The following RELN variants were observed in gnomAD, a reference collection of about 807,000 sequenced individuals.
RELN encodes the protein reelin.
Under a neutral mutation model 427.6 loss-of-function variants are expected in RELN, and 108 were observed. The observed-to-expected ratio is 0.25, with a 90% confidence interval of 0.22 to 0.30. RELN has a LOEUF of 0.30. RELN is among the 10% of genes least tolerant of loss of function. RELN has a pLI of 1.00. For synonymous variants in RELN, 1,524 were observed against 1,513.4 expected, an observed-to-expected ratio of 1.01 and a Z score of -0.16; for missense variants, 3,715 against 4,302.8, an observed-to-expected ratio of 0.86 and a Z score of 3.82.
At chr7:103,731,620 T>G (rs983433727) in intron 6 of RELN, among the ~76,000 whole-genome samples, 22 of 152,120 alleles carry the variant, frequency 1.4e-4, no homozygotes, top group African/African-American at 4.1e-4. Flanking sequence ...TCCAAAGTCA[T>G]GTGGCAAATC....
intron 11 of RELN, among the ~76,000 whole-genome samples, chr7:103,670,300 A>G (rs1833362836): frequency 6.6e-6 from 1 of 152,138 alleles, no homozygotes; most frequent in Non-Finnish European, 1.5e-5. Flanking sequence ...TACACATCTG[A>G]TTATCTAGTT....
intron 48 of RELN, among the ~76,000 whole-genome samples, chr7:103,519,840 C>G (rs1389309734): frequency 6.6e-6 from 1 of 152,150 alleles, no homozygotes; most frequent in African/African-American, 2.4e-5. Flanking sequence ...TCCCAAAGTG[C>G]TGGTATTTCC....
At chr7:103,619,789 T>C (rs572752685) in intron 20 of RELN, among the ~76,000 whole-genome samples, 2 of 152,120 alleles carry the variant, frequency 1.3e-5, no homozygotes, top group East Asian at 1.9e-4. Context: ...CAGGAGACCA[T>C]GCACCCAGGG....
At chr7:103,972,976 G>A (rs569626356) in intron 1 of RELN, among the ~76,000 whole-genome samples, 1 of 152,058 alleles carries the variant, frequency 6.6e-6, no homozygotes, top group South Asian at 2.1e-4. Flanking sequence ...GGTACCATCA[G>A]CAAGAATGTA....
chr7:103,649,534 A>G (rs532536330), intron 16 of RELN, among the ~76,000 whole-genome samples: 1 of 152,136 alleles, frequency 6.6e-6, no homozygotes, highest in African/African-American at 2.4e-5. Flanking sequence ...CAATATATTC[A>G]TATACAAAAC....
intron 2 of RELN, among the ~76,000 whole-genome samples, chr7:103,916,281 C>A (rs1795479988): frequency 6.6e-6 from 1 of 152,180 alleles, no homozygotes; most frequent in Admixed American, 6.5e-5. Flanking sequence ...ATGTTGAACA[C>A]ATAACTTTGT....
In RELN at chr7:103,489,894, G is replaced by A. The variant is rs1445494056; in HGVS notation, c.9611C>T (p.Thr3204Ile). Residue 3204 changes from threonine (T) to isoleucine (I), a missense_variant, in exon 60 of 65, where the codon ACA becomes ATA. Thr to Ile is a moderately conservative substitution (Grantham distance 89). Coordinates refer to ENST00000428762, the MANE Select transcript of RELN (RefSeq NM_005045.4). The part of the protein sequence containing the change: ...QLPDHVSSSA[T>I]QFRWIQKGEE... Reference sequence around the variant, plus strand: ...TCCCTTCTGGATCCAGCGGAACTGTGTTGCACTGAAAGAACCACAGAGAGC... The same window carrying A: ...TCCCTTCTGGATCCAGCGGAACTGTATTGCACTGAAAGAACCACAGAGAGC... 1.9e-6 allele frequency: 3 copies of A among 1,614,024 alleles called. No individual in the cohort carries two copies. The highest frequency in any genetic ancestry group is 2.5e-6 in the Non-Finnish European group (3 of 1,180,030).
chr7:103,565,214 A>T (rs986903014), intron 34 of RELN, 64 bp downstream of exon 34: 1 of 1,560,230 alleles, frequency 6.4e-7, no homozygotes, highest in Non-Finnish European at 8.8e-7. Context: ...CCGAATCACA[A>T]TTATTTTCAA....
chr7:103,570,378 A>G lies in RELN; in HGVS notation c.4588+1806T>C, dbSNP rs553255353. Among the ~76,000 whole-genome samples, 69 of 152,342 alleles carry G rather than the reference A, an allele frequency of 4.5e-4. 1 individual carries two copies. The South Asian group carries it at 0.014, about 31-fold the overall frequency. On this transcript the variant is annotated intron_variant, in intron 31 of 64. Transcript: ENST00000428762. ...TGCACAAAAATGTCCTTTAAATTTC[A>G]ATGTATCAAATGTCACTTCCTTGGT...
At chr7:103,785,446 T>A (rs959005209) in intron 3 of RELN, among the ~76,000 whole-genome samples, 1 of 152,124 alleles carries the variant, frequency 6.6e-6, no homozygotes, top group African/African-American at 2.4e-5. Context: ...TATTTAAGTA[T>A]CACATTTAAG....
intron 3 of RELN, among the ~76,000 whole-genome samples, chr7:103,791,403 T>G (rs1021199526): frequency 6.6e-6 from 1 of 152,194 alleles, no homozygotes; most frequent in Non-Finnish European, 1.5e-5. Context: ...AACAGATGTA[T>G]AGATCAATAG....
chr7:103,916,573 C>T (rs1170199507), intron 2 of RELN, among the ~76,000 whole-genome samples: 2 of 152,162 alleles, frequency 1.3e-5, no homozygotes, highest in African/African-American at 2.4e-5. Flanking sequence ...GATTTAAGGA[C>T]ATTCAAATAT....
At chr7:103,924,989 CAT>C (rs71994441) in intron 1 of RELN, among the ~76,000 whole-genome samples, 512 of 9,018 alleles carry the variant, frequency 0.057, 6 homozygotes, top group African/African-American at 0.11. Context: ...TGCGCATACA[CAT>C]ACACACACAC....
At chr7:103,839,936 G>C (rs1472385184) in intron 2 of RELN, among the ~76,000 whole-genome samples, 1 of 152,128 alleles carries the variant, frequency 6.6e-6, no homozygotes, top group Non-Finnish European at 1.5e-5. Context: ...TCATAGAGGT[G>C]GATTTCCCTC....
intron 2 of RELN, among the ~76,000 whole-genome samples, chr7:103,906,397 C>A (rs1181711483): frequency 1.3e-5 from 2 of 152,138 alleles, no homozygotes; most frequent in Non-Finnish European, 2.9e-5. Context: ...ATACCTGTAA[C>A]ACACCGGGCA....
chr7:103,523,413 T>G lies in RELN; in HGVS notation c.7468A>C (p.Arg2490=). 2 of 1,613,688 alleles carry G rather than the reference T, an allele frequency of 1.2e-6. No individual in the cohort carries two copies. Among genetic ancestry groups the G allele is most frequent in the Non-Finnish European group, 1.7e-6 (2 of 1,179,674 alleles). The change falls in exon 47 of 65, where the codon AGA becomes CGA. Residue 2490 remains arginine, a synonymous_variant. Transcript: ENST00000428762. ...GCIDMCSGHG[R]CIQGNCVCDE... Reference sequence around the variant, plus strand: ...TACACGCAGTTTCCCTGGATGCATCTCCCATGGCCACTGCACATGTCTATG... The same window carrying G: ...TACACGCAGTTTCCCTGGATGCATCGCCCATGGCCACTGCACATGTCTATG...
rs895561494 is a variant in RELN, at chr7:103,989,124, T to C, written c.226+7A>G. 1.2e-6 allele frequency: 2 copies of C among 1,612,412 alleles called. No homozygotes were observed. The highest frequency in any genetic ancestry group is 1.7e-5 in the Admixed American group (1 of 60,020). ...GGCGGCGAGCGCGGAGGTGCTGCGGTACCTACCATGGTATTCTTGTCCCGG... is the reference window on the plus strand; with the variant it reads ...GGCGGCGAGCGCGGAGGTGCTGCGGCACCTACCATGGTATTCTTGTCCCGG... On this transcript the variant is annotated splice_region_variant and intron_variant, in intron 1 of 64. Coordinates refer to ENST00000428762, the MANE Select transcript of RELN (RefSeq NM_005045.4). The surrounding 1 kb of genome is among the most constrained non-coding windows in gnomAD (Gnocchi z 4.9).
At chr7:103,820,413 C>T (rs1037512550) in intron 3 of RELN, among the ~76,000 whole-genome samples, 12 of 151,896 alleles carry the variant, frequency 7.9e-5, no homozygotes, top group African/African-American at 2.7e-4. Context: ...AAAATTAATT[C>T]CCATGGTTAC....
At chr7:103,616,874 T>C (rs1467952693) in intron 20 of RELN, among the ~76,000 whole-genome samples, 1 of 152,218 alleles carries the variant, frequency 6.6e-6, no homozygotes, top group Admixed American at 6.5e-5. Flanking sequence ...CATCCTTGTA[T>C]ATCTTTGTGC....
Sources: gnomAD v4.1 joint callset for allele counts (sites outside exome capture counted in the v4.1 genomes callset) on GRCh38, gnomAD v4.1.1 for gene constraint, Gnocchi (gnomAD v3.1) non-coding constraint, MANE v1.5 for transcripts, NCBI Gene and HGNC (gene_info 2026-07-23, HGNC 2026-07-21) for gene names.